The following PTPRR variants were observed in gnomAD, a reference collection of about 807,000 sequenced individuals.
PTPRR encodes protein tyrosine phosphatase receptor type R, also known as receptor-type tyrosine-protein phosphatase R.
A neutral mutation model predicts 77.2 loss-of-function variants in PTPRR; 38 were observed. The observed-to-expected ratio is 0.49, with a 90% CI of 0.38 to 0.65. The LOEUF (loss-of-function observed/expected upper bound fraction) is 0.65, where lower values mean the gene tolerates loss of function less well. PTPRR is among the 30% of genes least tolerant of loss of function. The pLI is 0.00. For missense variants in PTPRR, 744 were observed against 799.2 expected (o/e 0.93, Z 0.83); for synonymous variants, 299 against 283.1 (o/e 1.06, Z -0.57).
chr12:70,805,598 T>A (rs930455069), intron 2 of PTPRR, among the ~76,000 whole-genome samples: 4 of 152,192 alleles, frequency 2.6e-5, no homozygotes, highest in Admixed American at 6.5e-5. Context: ...TGGTCTCAAG[T>A]GATCCTCCTG....
intron 2 of PTPRR, among the ~76,000 whole-genome samples, chr12:70,789,659 A>C (rs941563658): frequency 3.9e-5 from 6 of 152,306 alleles, no homozygotes; most frequent in Non-Finnish European, 8.8e-5. Flanking sequence ...AAAAATTAAG[A>C]CATTATCTCT....
chr12:70,731,745 G>A (rs546498374), intron 6 of PTPRR, among the ~76,000 whole-genome samples: 1 of 152,168 alleles, frequency 6.6e-6, no homozygotes, highest in Non-Finnish European at 1.5e-5. Flanking sequence ...TAACTCCCAT[G>A]AGTAAGGCTA....
At chr12:70,792,328 A>G (rs994803642) in intron 2 of PTPRR, among the ~76,000 whole-genome samples, 15 of 152,216 alleles carry the variant, frequency 9.9e-5, no homozygotes, top group Non-Finnish European at 1.9e-4. Context: ...TGGTTAAATG[A>G]CAACTAATAA....
intron 5 of PTPRR, among the ~76,000 whole-genome samples, chr12:70,750,081 A>G (rs1429726336): frequency 6.6e-6 from 1 of 152,122 alleles, no homozygotes; most frequent in Non-Finnish European, 1.5e-5. Flanking sequence ...CTGCACATTC[A>G]CATTTGTGAG....
At chr12:70,884,594 G>C (rs1446305831) in intron 2 of PTPRR, among the ~76,000 whole-genome samples, 2 of 151,902 alleles carry the variant, frequency 1.3e-5, no homozygotes, top group African/African-American at 4.8e-5. Context: ...TTTGCCAGGC[G>C]CGGTGGCTCA....
At chr12:70,876,437 G>A (rs1050736408) in intron 2 of PTPRR, among the ~76,000 whole-genome samples, 9 of 152,190 alleles carry the variant, frequency 5.9e-5, no homozygotes, top group African/African-American at 1.9e-4. Flanking sequence ...AGAAAGTAGT[G>A]TATATACAAA....
chr12:70,795,312 T>C (rs1262892880), intron 2 of PTPRR, among the ~76,000 whole-genome samples: 1 of 152,210 alleles, frequency 6.6e-6, no homozygotes, highest in South Asian at 2.1e-4. Context: ...TGTAATATTC[T>C]TTGAAGACTC....
intron 6 of PTPRR, among the ~76,000 whole-genome samples, chr12:70,702,707 C>G (rs537248842): frequency 6.6e-6 from 1 of 152,192 alleles, no homozygotes; most frequent in Admixed American, 6.5e-5. Context: ...TTGTTAATTT[C>G]TAAATGGTTT....
In PTPRR at chr12:70,719,131, G is replaced by A. The variant is rs532495654; in HGVS notation, c.1008-17808C>T. Among the ~76,000 whole-genome samples, 672 of 152,236 alleles carry A rather than the reference G, an allele frequency of 4.4e-3. 1 individual carries two copies. The highest frequency in any genetic ancestry group is 7.3e-3 in the Non-Finnish European group (499 of 68,020). ...CCTCAGCAAGTCAAAATACGCTACG[G>A]AAATCATTTTTGACAAGAACTCTCG... On this transcript the variant is annotated intron_variant, in intron 6 of 13. Coordinates refer to ENST00000283228, the MANE Select transcript of PTPRR (RefSeq NM_002849.4).
chr12:70,886,342 T>A (rs953583641), intron 2 of PTPRR, among the ~76,000 whole-genome samples: 2 of 152,216 alleles, frequency 1.3e-5, no homozygotes, highest in African/African-American at 4.8e-5. Context: ...TATAAGAAGA[T>A]CTTATAATTT....
At chr12:70,908,782 T>C (rs535440379) in intron 1 of PTPRR, among the ~76,000 whole-genome samples, 2 of 152,306 alleles carry the variant, frequency 1.3e-5, no homozygotes, top group Admixed American at 6.5e-5. Context: ...AACACTGCTA[T>C]TCCATCTCGT....
chr12:70,830,061 C>T (rs1892184632), intron 2 of PTPRR, among the ~76,000 whole-genome samples: 1 of 152,132 alleles, frequency 6.6e-6, no homozygotes, highest in South Asian at 2.1e-4. Context: ...TCCTACTCTG[C>T]ATTCCCTCCA....
At chr12:70,805,221 C>T (rs1304888461) in intron 2 of PTPRR, among the ~76,000 whole-genome samples, 7 of 151,890 alleles carry the variant, frequency 4.6e-5, no homozygotes, top group Admixed American at 4.6e-4. Flanking sequence ...CTATTTTATC[C>T]TGTAACATTC....
chr12:70,738,100 A>G (rs922921127), intron 6 of PTPRR, among the ~76,000 whole-genome samples: 1 of 152,188 alleles, frequency 6.6e-6, no homozygotes, highest in Non-Finnish European at 1.5e-5. Context: ...TTTTCATGGC[A>G]TGTACTGTCT....
intron 13 of PTPRR, among the ~76,000 whole-genome samples, chr12:70,641,058 G>T (rs1885979183): frequency 1.3e-5 from 2 of 152,156 alleles, no homozygotes; most frequent in African/African-American, 2.4e-5. Flanking sequence ...TGAGAATGTG[G>T]TAATGGTTTA....
At chr12:70,851,100 T>TA (rs1358145860) in intron 2 of PTPRR, among the ~76,000 whole-genome samples, 7 of 152,130 alleles carry the variant, frequency 4.6e-5, no homozygotes, top group Admixed American at 2.0e-4. Context: ...GAGGTAAACT[T>TA]AAAAAAATAC....
At chr12:70,651,446 A>C (rs867412346) in intron 13 of PTPRR, among the ~76,000 whole-genome samples, 14 of 152,228 alleles carry the variant, frequency 9.2e-5, no homozygotes, top group African/African-American at 3.4e-4. Flanking sequence ...TATACATTTT[A>C]GCATCCTCCA....
At chr12:70,830,464 G>A (rs528816673) in intron 2 of PTPRR, among the ~76,000 whole-genome samples, 1 of 152,306 alleles carries the variant, frequency 6.6e-6, no homozygotes, top group Non-Finnish European at 1.5e-5. Flanking sequence ...GGCTGTTAAA[G>A]CTCCTGCCTG....
At chr12:70,886,104 C>T (rs1473339197) in intron 2 of PTPRR, among the ~76,000 whole-genome samples, 2 of 152,134 alleles carry the variant, frequency 1.3e-5, no homozygotes, top group Admixed American at 6.5e-5. Context: ...ATTGCTGAGG[C>T]TTAGCCTCTA....
Sources: gnomAD v4.1 joint callset for allele counts (sites outside exome capture counted in the v4.1 genomes callset) on GRCh38, gnomAD v4.1.1 for gene constraint, MANE v1.5 for transcripts, NCBI Gene and HGNC (gene_info 2026-07-23, HGNC 2026-07-21) for gene names.